POC1A: variants seen among roughly 807,000 people sequenced by gnomAD.
POC1A encodes POC1 centriolar protein A.
Under a neutral mutation model 47.8 loss-of-function variants are expected in POC1A, and 34 were observed. The observed-to-expected ratio is 0.71, with a 90% confidence interval of 0.54 to 0.95. The LOEUF (loss-of-function observed/expected upper bound fraction) is 0.95. POC1A is among the 40% of genes least tolerant of loss of function. POC1A has a pLI of 0.00. For missense variants in POC1A, 466 were observed against 528.3 expected, an observed-to-expected ratio of 0.88 and a Z score of 1.16; for synonymous variants, 177 against 207.6, an observed-to-expected ratio of 0.85 and a Z score of 1.27.
intron 7 of POC1A, among the ~76,000 whole-genome samples, chr3:52,129,791 C>A (rs958441352): frequency 6.6e-6 from 1 of 152,174 alleles, no homozygotes; most frequent in Non-Finnish European, 1.5e-5. Context: ...GCTAACCGGG[C>A]CATATCTGGC....
chr3:52,151,272 G>C (rs1207061946), intron 1 of POC1A, 172 bp from the exon 2 acceptor site: 1 of 876,230 alleles, frequency 1.1e-6, no homozygotes. Context: ...ACTAGGAATA[G>C]TTTTTACTAT....
At position 52,079,634 on chromosome 3, in the gene POC1A, C is replaced by A. The variant is rs947571623; in HGVS notation, c.1126-3649G>T. Among the ~76,000 whole-genome samples, 3 of 152,228 alleles carry A rather than the reference C, an allele frequency of 2.0e-5. No individual in the cohort carries two copies. The highest frequency in any genetic ancestry group is 7.2e-5 in the African/African-American group (3 of 41,448). On this transcript the variant is annotated intron_variant, in intron 10 of 10. Transcript: ENST00000296484. This position sits in a 1 kb window ranked among gnomAD's most constrained non-coding sequence, Gnocchi z 4.6. ...GTCCCCAAAGAGGTACAGGCTGTGT[C>A]AGGTGCCAGGTGTCAACAAGGGAAA...
intron 10 of POC1A, among the ~76,000 whole-genome samples, chr3:52,089,278 G>A (rs1454224020): frequency 6.6e-6 from 1 of 152,036 alleles, no homozygotes; most frequent in African/African-American, 2.4e-5. Flanking sequence ...GCCAAAAATA[G>A]TAACAGGGCT....
chr3:52,132,512 CA>C (rs2107136224), intron 7 of POC1A, among the ~76,000 whole-genome samples: 1 of 152,204 alleles, frequency 6.6e-6, no homozygotes, highest in African/African-American at 2.4e-5. Flanking sequence ...GTTCCCAGGG[CA>C]AAGGCTGTGG....
chr3:52,146,891 C>T (rs573613635), intron 5 of POC1A, 97 bp downstream of exon 5: 15 of 976,090 alleles, frequency 1.5e-5, no homozygotes, highest in Admixed American at 3.5e-5. Flanking sequence ...GCTGGTCCCA[C>T]GGCTCCAGCC....
chr3:52,133,757 C>G (rs4687808), intron 7 of POC1A, among the ~76,000 whole-genome samples: 14,166 of 152,216 alleles, frequency 0.093, 1,339 homozygotes, highest in East Asian at 0.36. Flanking sequence ...AAACCTCCCC[C>G]ACGGTTTCCC....
At chr3:52,119,891 A>C (rs1032583674) in intron 9 of POC1A, among the ~76,000 whole-genome samples, 3 of 152,218 alleles carry the variant, frequency 2.0e-5, no homozygotes, top group African/African-American at 7.2e-5. Flanking sequence ...GAAGGCCAGT[A>C]CATGGACAGT....
chr3:52,093,623 A>G (rs1328166331), intron 10 of POC1A, among the ~76,000 whole-genome samples: 1 of 152,222 alleles, frequency 6.6e-6, no homozygotes, highest in Non-Finnish European at 1.5e-5. Flanking sequence ...AGTAAGGCAC[A>G]CAGACTCAAA....
chr3:52,136,351 T>C (rs1704464238), intron 7 of POC1A, among the ~76,000 whole-genome samples: 1 of 152,126 alleles, frequency 6.6e-6, no homozygotes. Context: ...CCAAGTACTC[T>C]CTAAGACTCA....
chr3:52,100,776 C>T (rs935767917), intron 9 of POC1A, among the ~76,000 whole-genome samples: 2 of 152,020 alleles, frequency 1.3e-5, no homozygotes, highest in Admixed American at 6.6e-5. Flanking sequence ...GGGGGCAGAA[C>T]AGTAGATGGA....
At chr3:52,152,178 G>C (rs1698579169) in intron 1 of POC1A, among the ~76,000 whole-genome samples, 1 of 152,182 alleles carries the variant, frequency 6.6e-6, no homozygotes, top group Non-Finnish European at 1.5e-5. Flanking sequence ...AGGAGGGTGA[G>C]GTGGGAGGAC....
chr3:52,142,686 G>A (rs992410595), intron 6 of POC1A, among the ~76,000 whole-genome samples: 2 of 152,208 alleles, frequency 1.3e-5, no homozygotes, highest in East Asian at 1.9e-4. Flanking sequence ...GACACTGCAC[G>A]TCACTGTGTC....
At chr3:52,116,295 C>T (rs553956393) in intron 9 of POC1A, among the ~76,000 whole-genome samples, 47 of 152,338 alleles carry the variant, frequency 3.1e-4, no homozygotes, top group African/African-American at 1.1e-3. Context: ...AGGACAAGCA[C>T]AGGAGGTGGC....
At chr3:52,112,803 G>T (rs768223902) in intron 9 of POC1A, among the ~76,000 whole-genome samples, 1 of 152,160 alleles carries the variant, frequency 6.6e-6, no homozygotes, top group Non-Finnish European at 1.5e-5. Context: ...TAGAAACTTC[G>T]AAGATAAAGA....
intron 9 of POC1A, among the ~76,000 whole-genome samples, chr3:52,100,294 C>T (rs1702953911): frequency 6.6e-6 from 1 of 151,956 alleles, no homozygotes; most frequent in Admixed American, 6.6e-5. Flanking sequence ...GAAATCAACC[C>T]ATCTGGAGTT....
chr3:52,086,907 C>T (rs761580208), intron 10 of POC1A, among the ~76,000 whole-genome samples: 1 of 152,266 alleles, frequency 6.6e-6, no homozygotes, highest in African/African-American at 2.4e-5. Flanking sequence ...CAGGTGCACA[C>T]TGAGTACTGA....
chr3:52,141,522 A>G (rs1020600274), intron 6 of POC1A, among the ~76,000 whole-genome samples: 9 of 152,264 alleles, frequency 5.9e-5, no homozygotes, highest in African/African-American at 1.9e-4. Context: ...TACCAGCAGC[A>G]AAGGACACCC....
In POC1A at chr3:52,079,082, A is replaced by C. The variant is rs1048846028; in HGVS notation, c.1126-3097T>G. ...GCAGGAGAGCATCTGAGGTGGCAGA[A>C]GGGGTGTGTGGGGAGTACCCCTGGC... On this transcript the variant is annotated intron_variant, in intron 10 of 10. Transcript: ENST00000296484. The surrounding 1 kb of genome is among the most constrained non-coding windows in gnomAD (Gnocchi z 4.6). Among the ~76,000 whole-genome samples, 8 of 152,206 alleles carry C rather than the reference A, an allele frequency of 5.3e-5. No homozygotes were observed. The highest frequency in any genetic ancestry group is 1.9e-4 in the African/African-American group (8 of 41,448).
At chr3:52,144,091 G>A (rs1379079780) in intron 6 of POC1A, among the ~76,000 whole-genome samples, 1 of 152,180 alleles carries the variant, frequency 6.6e-6, no homozygotes, top group East Asian at 1.9e-4. Context: ...GCCTCACAAA[G>A]CCATGAGGAA....
Sources: allele counts gnomAD v4.1 joint callset (sites outside exome capture counted in the v4.1 genomes callset), GRCh38; gene constraint gnomAD v4.1.1; non-coding constraint Gnocchi (gnomAD v3.1); transcripts MANE v1.5; gene names NCBI Gene and HGNC (gene_info 2026-07-23, HGNC 2026-07-21).